The following RNF157 variants were observed in gnomAD, a reference collection of about 807,000 sequenced individuals.
The protein encoded by RNF157 is ring finger protein 157.
A neutral mutation model predicts 88.3 loss-of-function variants in RNF157; 55 were observed. The observed-to-expected ratio is 0.62, with a 90% CI of 0.50 to 0.78. The LOEUF is 0.78. RNF157 is among the 30% of genes least tolerant of loss of function. The pLI, the probability that RNF157 is intolerant of heterozygous loss-of-function variation, is 0.00. For synonymous variants in RNF157, 334 were observed against 341.2 expected, an observed-to-expected ratio of 0.98 and a Z score of 0.23; for missense variants, 788 against 860.8, an observed-to-expected ratio of 0.92 and a Z score of 1.06.
intron 2 of RNF157, among the ~76,000 whole-genome samples, chr17:76,177,251 C>G (rs961020051): frequency 2.0e-5 from 3 of 152,072 alleles, no homozygotes; most frequent in African/African-American, 4.8e-5. Context: ...GCAGCCCCGC[C>G]TTGGGCTGTG....
chr17:76,204,442 T>C (rs1401386785), intron 2 of RNF157, among the ~76,000 whole-genome samples: 3 of 152,228 alleles, frequency 2.0e-5, no homozygotes, highest in Non-Finnish European at 1.5e-5. Flanking sequence ...TGCCCCACTC[T>C]GCAGCAAGCA....
At chr17:76,149,987 C>G (rs780063424) in intron 18 of RNF157, among the ~76,000 whole-genome samples, 2 of 152,008 alleles carry the variant, frequency 1.3e-5, no homozygotes, top group Non-Finnish European at 2.9e-5. Flanking sequence ...GAGCCGAGAT[C>G]GCGCCACTGC....
rs1326865112 is a variant in RNF157 at position 76,240,272 on chromosome 17, C to G, written c.-32G>C. 1.9e-6 allele frequency: 2 copies of G among 1,075,572 alleles called. No individual in the cohort carries two copies. The highest frequency in any genetic ancestry group is 1.0e-4 in the East Asian group (2 of 19,216). 66.6% of individuals were successfully genotyped at this position (1,075,572 alleles called of 1,614,324 possible). A position where few individuals can be genotyped will look rare whatever the true frequency, so the allele number is the denominator to read the frequency against. ...TGCGGCTGCAGCCCCGGCCCGGCCC[C>G]GGTGCCCGCGCCGCCCTCCGCGCTT... On this transcript the variant is annotated 5_prime_UTR_variant, in exon 1 of 19. Transcript: ENST00000269391. The surrounding 1 kb of genome is among the most constrained non-coding windows in gnomAD (Gnocchi z 4.4).
At chr17:76,215,511 A>G (rs899822835) in intron 1 of RNF157, among the ~76,000 whole-genome samples, 1 of 144,842 alleles carries the variant, frequency 6.9e-6, no homozygotes, top group Non-Finnish European at 1.5e-5. Flanking sequence ...AAAAGAAAAG[A>G]AAAAAGGAAA....
chr17:76,187,110 T>A (rs1265915165), intron 2 of RNF157, among the ~76,000 whole-genome samples: 1 of 152,152 alleles, frequency 6.6e-6, no homozygotes, highest in Non-Finnish European at 1.5e-5. Flanking sequence ...GGCTAGGCTA[T>A]GTATTTGCAG....
chr17:76,173,845 T>A, intron 2 of RNF157, 55 bp from the exon 3 acceptor site: 3 of 1,391,462 alleles, frequency 2.2e-6, no homozygotes, highest in Non-Finnish European at 3.0e-6. Context: ...CCCACAGCTG[T>A]CCCTCGCTTT....
chr17:76,212,132 C>G, intron 2 of RNF157: 1 of 441,496 alleles, frequency 2.3e-6, no homozygotes, highest in Non-Finnish European at 4.1e-6. Flanking sequence ...TCTGTCCTAG[C>G]TTAATTTGTG....
Position 76,155,737 on chromosome 17 carries a change from T to C in RNF157, c.1526-3A>G, listed in dbSNP as rs1598389189. 3 of 1,553,012 alleles carry C rather than the reference T, an allele frequency of 1.9e-6. No homozygotes were observed. Among genetic ancestry groups the C allele is most frequent in the Non-Finnish European group, 2.6e-6 (3 of 1,149,096 alleles). ...GGCCAAGCTGCTGCTGGCAGGGCCTTTGGAGACAGGGGATGGGGAAAGGAG... is the reference window on the plus strand; with the variant it reads ...GGCCAAGCTGCTGCTGGCAGGGCCTCTGGAGACAGGGGATGGGGAAAGGAG... On this transcript the variant is annotated splice_polypyrimidine_tract_variant and splice_region_variant and intron_variant, in intron 14 of 18. Coordinates refer to ENST00000269391, the MANE Select transcript of RNF157 (RefSeq NM_052916.3).
chr17:76,208,421 T>A (rs60689153), intron 2 of RNF157, among the ~76,000 whole-genome samples: 18 of 152,126 alleles, frequency 1.2e-4, no homozygotes, highest in African/African-American at 4.3e-4. Context: ...AAACTCTCTG[T>A]GCCACATGTT....
At chr17:76,209,281 G>C (rs1190967983) in intron 2 of RNF157, among the ~76,000 whole-genome samples, 2 of 152,116 alleles carry the variant, frequency 1.3e-5, no homozygotes, top group African/African-American at 4.8e-5. Flanking sequence ...CTGCTACCTA[G>C]CATTTCAGAA....
chr17:76,204,019 A>G (rs1304657052), intron 2 of RNF157, among the ~76,000 whole-genome samples: 3 of 151,958 alleles, frequency 2.0e-5, no homozygotes, highest in Non-Finnish European at 2.9e-5. Context: ...TGCCCTCCTC[A>G]GCCTCCCAAA....
chr17:76,211,144 C>G (rs1041460622), intron 2 of RNF157, among the ~76,000 whole-genome samples: 32 of 152,192 alleles, frequency 2.1e-4, no homozygotes, highest in African/African-American at 7.7e-4. Flanking sequence ...CTTATTTGTT[C>G]CAGGGAAGAA....
chr17:76,211,658 G>C (rs965451395), intron 2 of RNF157, among the ~76,000 whole-genome samples: 1 of 152,114 alleles, frequency 6.6e-6, no homozygotes, highest in East Asian at 1.9e-4. Context: ...CAGTTCTCTC[G>C]CTTATAAAAT....
At position 76,161,531 on chromosome 17, in the gene RNF157, T is replaced by A. The variant is rs746396504; in HGVS notation, c.1065+4A>T. ...GAGGGGCCGTGGTTCCGAGCCCAAC[T>A]TACTGGATGCTCTTCAGAGTCAGAT... On this transcript the variant is annotated splice_donor_region_variant and intron_variant, in intron 11 of 18. Transcript: ENST00000269391. This position sits in a 1 kb window ranked among gnomAD's most constrained non-coding sequence, Gnocchi z 4.6. The A allele has an allele frequency of 6.8e-6, 11 of 1,612,038 alleles. No individual in the cohort carries two copies. Among genetic ancestry groups the A allele is most frequent in the Admixed American group, 1.7e-5 (1 of 59,988 alleles).
intron 3 of RNF157, among the ~76,000 whole-genome samples, chr17:76,170,555 T>C (rs1315386972): frequency 6.6e-6 from 1 of 152,160 alleles, no homozygotes; most frequent in African/African-American, 2.4e-5. Context: ...GGCCAAGGTG[T>C]AGGAATGTAG....
intron 1 of RNF157, among the ~76,000 whole-genome samples, chr17:76,239,080 C>G (rs1294400297): frequency 6.6e-6 from 1 of 152,232 alleles, no homozygotes; most frequent in East Asian, 1.9e-4. Flanking sequence ...AGACGAGGCT[C>G]TGCTCCAATT....
intron 1 of RNF157, chr17:76,226,371 C>G (rs1376065284): frequency 6.3e-7 from 1 of 1,595,636 alleles, no homozygotes; most frequent in East Asian, 2.2e-5. Flanking sequence ...GTTAAACTTT[C>G]TGGGAGATGG....
chr17:76,183,450 GT>G (rs751661250), intron 2 of RNF157, among the ~76,000 whole-genome samples: 2 of 151,612 alleles, frequency 1.3e-5, no homozygotes, highest in Admixed American at 6.6e-5. Context: ...TTCACATAAA[GT>G]TTTTTTTTGT....
chr17:76,160,677 A>T lies in RNF157; in HGVS notation c.1065+858T>A, dbSNP rs936526145. Among the ~76,000 whole-genome samples the T allele has an allele frequency of 4.6e-5, 7 of 152,134 alleles. No individual in the cohort carries two copies. The highest frequency in any genetic ancestry group is 1.3e-4 in the Admixed American group (2 of 15,272). ...GATACACACATTGTAAATAGTTTTTAAAAAAACACTATTTGTTGTCTAACT... is the reference window on the plus strand; with the variant it reads ...GATACACACATTGTAAATAGTTTTTTAAAAAACACTATTTGTTGTCTAACT... On this transcript the variant is annotated intron_variant, in intron 11 of 18. Transcript: ENST00000269391. The surrounding 1 kb of genome is among the most constrained non-coding windows in gnomAD (Gnocchi z 4.3).
Sources: gnomAD v4.1 joint callset for allele counts (sites outside exome capture counted in the v4.1 genomes callset) on GRCh38, gnomAD v4.1.1 for gene constraint, Gnocchi (gnomAD v3.1) non-coding constraint, MANE v1.5 for transcripts, NCBI Gene and HGNC (gene_info 2026-07-23, HGNC 2026-07-21) for gene names.